Variants in RICTOR observed in about 807,000 individuals in gnomAD.
The protein encoded by RICTOR is rapamycin-insensitive companion of mTOR.
A neutral mutation model predicts 214.9 loss-of-function variants in RICTOR; 49 were observed. The observed-to-expected ratio is 0.23, with a 90% CI of 0.18 to 0.29. The LOEUF is 0.29. Among genes scored for constraint, RICTOR ranks in the 10% least tolerant of loss-of-function variants. The probability of loss-of-function intolerance (pLI) is 1.00; values close to 1 mark genes in which losing one functional copy is unlikely to be tolerated. For synonymous variants in RICTOR, 717 were observed against 711.3 expected, an observed-to-expected ratio of 1.01 and a Z score of -0.13; for missense variants, 1,625 against 2,047.0, an observed-to-expected ratio of 0.79 and a Z score of 3.98.
At chr5:38,960,075 T>C in intron 20 of RICTOR, 97 bp from the exon 21 acceptor site, 1 of 850,916 alleles carries the variant, frequency 1.2e-6, no homozygotes, top group East Asian at 2.4e-5. Flanking sequence ...CTAATAATGA[T>C]GAAGTTACCA....
chr5:38,990,686 T>G (rs368524969), intron 7 of RICTOR, among the ~76,000 whole-genome samples: 711 of 26,192 alleles, frequency 0.027, 100 homozygotes, highest in African/African-American at 0.076. Flanking sequence ...AGATATATCA[T>G]ATATATGATA....
intron 16 of RICTOR, among the ~76,000 whole-genome samples, chr5:38,964,406 C>T (rs1211668087): frequency 6.6e-6 from 1 of 151,568 alleles, no homozygotes; most frequent in Non-Finnish European, 1.5e-5. Flanking sequence ...ACATTTTTAA[C>T]CACGCAAATA....
chr5:39,068,546 G>C (rs1453082767), intron 2 of RICTOR, among the ~76,000 whole-genome samples: 1 of 152,178 alleles, frequency 6.6e-6, no homozygotes, highest in Non-Finnish European at 1.5e-5. Flanking sequence ...AATTAGCCTA[G>C]AAAATGTGTG....
At position 38,941,605 on chromosome 5, in the gene RICTOR, T is replaced by C. The variant is rs2163299; in HGVS notation, c.*699A>G. On this transcript the variant is annotated 3_prime_UTR_variant, in exon 38 of 38. Transcript: ENST00000357387. ...TATTCAAGAACTGTAGTGAAAAACC[T>C]TAATTGGTTCATATATCCTGTAATA... 2,590 of 231,780 alleles carry C rather than the reference T, an allele frequency of 0.011. 94 individuals are homozygous for C. Among genetic ancestry groups the C allele is most frequent in the East Asian group, 0.073 (1,186 of 16,186 alleles). 14.4% of individuals were successfully genotyped at this position (231,780 alleles called of 1,614,324 possible). A position where few individuals can be genotyped will look rare whatever the true frequency, so the allele number is the denominator to read the frequency against.
rs1288207364 is a variant in RICTOR, at chr5:38,939,371, G to T, written c.*2933C>A. The T allele has an allele frequency of 8.6e-6, 2 of 232,058 alleles. No individual in the cohort carries two copies. The highest frequency in any genetic ancestry group is 1.7e-5 in the Non-Finnish European group (2 of 117,446). 14.4% of individuals were successfully genotyped at this position (232,058 alleles called of 1,614,324 possible). ...TTAATAATGTATATACTTCCAAAGA[G>T]CCTCTTTTAATGTCACTGTCATATA... On this transcript the variant is annotated 3_prime_UTR_variant, in exon 38 of 38. Coordinates refer to ENST00000357387, the MANE Select transcript of RICTOR (RefSeq NM_152756.5).
intron 18 of RICTOR, 22 bp from the exon 19 acceptor site, chr5:38,962,383 T>C (rs749163875): frequency 1.6e-6 from 2 of 1,249,054 alleles, no homozygotes; most frequent in Admixed American, 1.9e-5. Flanking sequence ...TAATATGTTA[T>C]ATTACATATG....
chr5:38,966,888 C>A (rs913133201), intron 14 of RICTOR, 167 bp from the exon 15 acceptor site: 4 of 587,142 alleles, frequency 6.8e-6, no homozygotes, highest in African/African-American at 5.7e-5. Flanking sequence ...ATAACCTCTG[C>A]CTTCCGGGTT....
chr5:38,958,107 T>C (rs955710509), intron 24 of RICTOR, among the ~76,000 whole-genome samples: 1 of 151,704 alleles, frequency 6.6e-6, no homozygotes, highest in African/African-American at 2.4e-5. Flanking sequence ...CGTGGTGGTG[T>C]GCGCCTTTAG....
chr5:39,052,749 T>G (rs1757938210), intron 2 of RICTOR, among the ~76,000 whole-genome samples: 1 of 152,224 alleles, frequency 6.6e-6, no homozygotes, highest in African/African-American at 2.4e-5. Context: ...GAATCTACCT[T>G]TCTCGTACCT....
In RICTOR at chr5:38,953,116, T is replaced by A. The variant is rs189427270; in HGVS notation, c.2791-25A>T. On this transcript the variant is annotated intron_variant, in intron 28 of 37. Coordinates refer to ENST00000357387, the MANE Select transcript of RICTOR (RefSeq NM_152756.5). ...CCTGAAAGAAAAGAAATCACTTACA[T>A]CAAATATAAGAGTCACTCTTTCAAA... is the stretch of plus-strand genomic sequence containing the variant. 97 of 1,451,456 alleles carry A rather than the reference T, an allele frequency of 6.7e-5. No individual in the cohort carries two copies. The East Asian group carries it at 1.8e-3, about 28-fold the overall frequency. The allele number at this position is 1,451,456 out of a possible 1,614,324, so 89.9% of individuals were successfully genotyped here. A position where few individuals can be genotyped will look rare whatever the true frequency, so the allele number is the denominator to read the frequency against.
intron 3 of RICTOR, among the ~76,000 whole-genome samples, chr5:39,006,335 T>C (rs868309765): frequency 6.6e-6 from 1 of 152,140 alleles, no homozygotes; most frequent in African/African-American, 2.4e-5. Flanking sequence ...GATGAATATA[T>C]GCCAGTTTAA....
intron 3 of RICTOR, among the ~76,000 whole-genome samples, chr5:39,008,137 T>A (rs1446748167): frequency 6.6e-6 from 1 of 151,766 alleles, no homozygotes; most frequent in Non-Finnish European, 1.5e-5. Flanking sequence ...AATCTATTGC[T>A]AAATGGGGAA....
In RICTOR at chr5:38,938,962, G is replaced by A. The variant is rs1256865428; in HGVS notation, c.*3342C>T. 3 of 232,874 alleles carry A rather than the reference G, an allele frequency of 1.3e-5. No individual in the cohort carries two copies. The East Asian group carries it at 1.8e-4, about 14-fold the overall frequency. The allele number at this position is 232,874 out of a possible 1,614,324, so 14.4% of individuals were successfully genotyped here. A position where few individuals can be genotyped will look rare whatever the true frequency, so the allele number is the denominator to read the frequency against. On this transcript the variant is annotated 3_prime_UTR_variant, in exon 38 of 38. Coordinates refer to ENST00000357387, the MANE Select transcript of RICTOR (RefSeq NM_152756.5). The stretch of plus-strand genomic sequence containing the variant: ...AATGGATTGTGAATCTGAGACAAAA[G>A]TGGAAGCATAAGACTAAAGGAGAAA...
At chr5:39,061,510 A>G (rs1251214470) in intron 2 of RICTOR, among the ~76,000 whole-genome samples, 2 of 152,026 alleles carry the variant, frequency 1.3e-5, no homozygotes, top group Non-Finnish European at 2.9e-5. Context: ...AGAAACAAAC[A>G]TTAGATTCAT....
At chr5:38,972,221 C>CT (rs1234786538) in intron 10 of RICTOR, among the ~76,000 whole-genome samples, 4 of 152,286 alleles carry the variant, frequency 2.6e-5, no homozygotes, top group African/African-American at 9.6e-5. Flanking sequence ...GTTCATGAGT[C>CT]TGACTGCCTG....
At position 38,955,675 on chromosome 5, in the gene RICTOR, A is replaced by C. The variant is rs745544491; in HGVS notation, c.2529T>G (p.Ile843Met). 1 of 1,603,762 alleles carries C rather than the reference A, an allele frequency of 6.2e-7. No individual in the cohort carries two copies. Among genetic ancestry groups the C allele is most frequent in the Non-Finnish European group, 8.5e-7 (1 of 1,170,578 alleles). Residue 843 changes from isoleucine to methionine, a missense_variant, in exon 26 of 38, where the codon ATT (isoleucine) becomes ATG (methionine). Ile to Met is a conservative substitution (Grantham distance 10). Coordinates refer to ENST00000357387, the MANE Select transcript of RICTOR (RefSeq NM_152756.5). The stretch of plus-strand genomic sequence containing the variant: ...TAAGTGCTTCATTGAGTTGTTCCTC[A>C]ATCAAGTCAACATATTTGGAGTTGT... ...REYNSKYVDL[I>M]EEQLNEALTT...
chr5:39,055,991 G>A (rs1758180745), intron 2 of RICTOR, among the ~76,000 whole-genome samples: 1 of 152,158 alleles, frequency 6.6e-6, no homozygotes, highest in South Asian at 2.1e-4. Context: ...TGTCTCCTGG[G>A]TGTCTTATTT....
chr5:39,033,282 C>T (rs1401215723), intron 2 of RICTOR, among the ~76,000 whole-genome samples: 1 of 150,726 alleles, frequency 6.6e-6, no homozygotes, highest in Admixed American at 6.6e-5. Flanking sequence ...TGGGAACAGA[C>T]TCTTGCTCTG....
intron 6 of RICTOR, among the ~76,000 whole-genome samples, chr5:38,992,354 A>G (rs896878796): frequency 6.6e-6 from 1 of 152,128 alleles, no homozygotes; most frequent in Non-Finnish European, 1.5e-5. Flanking sequence ...TTCTTTTTTA[A>G]TACTTTCTGA....
Sources: gnomAD v4.1 joint callset for allele counts (sites outside exome capture counted in the v4.1 genomes callset) on GRCh38, gnomAD v4.1.1 for gene constraint, MANE v1.5 for transcripts, NCBI Gene and HGNC (gene_info 2026-07-23, HGNC 2026-07-21) for gene names.